ROR2: variants seen among roughly 807,000 people sequenced by gnomAD.
The protein encoded by ROR2 is ROR family WNT receptor 2.
ROR2 carries 33 observed loss-of-function variants against 74.9 expected under a neutral mutation model. The observed-to-expected ratio is 0.44, with a 90% CI of 0.33 to 0.59. ROR2 has a LOEUF of 0.59. Ranked by LOEUF, ROR2 falls within the 20% of genes least tolerant of loss-of-function variation. ROR2 has a pLI of 0.02. For synonymous variants in ROR2, 586 were observed against 558.7 expected, an observed-to-expected ratio of 1.05 and a Z score of -0.69; for missense variants, 1,216 against 1,313.8, an observed-to-expected ratio of 0.93 and a Z score of 1.15.
rs188925850 is a variant in ROR2 at position 91,822,549 on chromosome 9, T to C, written c.98-46731A>G. On this transcript the variant is annotated intron_variant, in intron 1 of 8. Transcript: ENST00000375708. ...GATTCTCAAAAGCAGAGGAGGCTTT[T>C]CTTTTCAGTAGAAATGGCAAAATTA... 2.0e-5 allele frequency among the ~76,000 whole-genome samples: 3 copies of C among 152,350 alleles called. No homozygotes were observed. In the East Asian group the frequency reaches 5.8e-4, roughly 29 times the overall value.
intron 1 of ROR2, among the ~76,000 whole-genome samples, chr9:91,813,441 G>A (rs920747885): frequency 6.6e-6 from 1 of 152,176 alleles, no homozygotes; most frequent in African/African-American, 2.4e-5. Flanking sequence ...GCGCGTCTGG[G>A]TCAGGATGGG....
At chr9:91,837,639 A>G (rs1286348458) in intron 1 of ROR2, among the ~76,000 whole-genome samples, 2 of 152,224 alleles carry the variant, frequency 1.3e-5, no homozygotes, top group East Asian at 3.8e-4. Flanking sequence ...TCTCAAAGCC[A>G]TCTCATAAAT....
At chr9:91,740,566 A>G (rs927440058) in intron 4 of ROR2, among the ~76,000 whole-genome samples, 7 of 149,164 alleles carry the variant, frequency 4.7e-5, no homozygotes, top group South Asian at 2.1e-4. Context: ...GGGGGGGGGA[A>G]TATATATATG....
chr9:91,849,572 G>A (rs142624583), intron 1 of ROR2, among the ~76,000 whole-genome samples: 1 of 152,300 alleles, frequency 6.6e-6, no homozygotes, highest in African/African-American at 2.4e-5. Flanking sequence ...AAAGAATGTG[G>A]ACTTCTGGAG....
At chr9:91,833,396 C>T (rs1470699113) in intron 1 of ROR2, among the ~76,000 whole-genome samples, 1 of 152,170 alleles carries the variant, frequency 6.6e-6, no homozygotes, top group Non-Finnish European at 1.5e-5. Context: ...CCAGCTTTGC[C>T]CCAACCGCTA....
intron 1 of ROR2, among the ~76,000 whole-genome samples, chr9:91,824,253 G>A (rs535762734): frequency 6.6e-6 from 1 of 152,352 alleles, no homozygotes; most frequent in East Asian, 1.9e-4. Flanking sequence ...AAATGATGAA[G>A]CTGGGCATTA....
chr9:91,826,226 T>C (rs909394270), intron 1 of ROR2, among the ~76,000 whole-genome samples: 7 of 152,190 alleles, frequency 4.6e-5, no homozygotes, highest in African/African-American at 1.7e-4. Flanking sequence ...TAGGACTGAA[T>C]GTATGGAGCA....
Position 91,873,463 on chromosome 9 carries a change from C to T in ROR2, c.97+76404G>A, listed in dbSNP as rs148224793. Among the ~76,000 whole-genome samples the T allele has an allele frequency of 3.3e-3, 504 of 152,276 alleles. 2 individuals carry two copies. Among genetic ancestry groups the T allele is most frequent in the African/African-American group, 0.012 (487 of 41,558 alleles). On this transcript the variant is annotated intron_variant, in intron 1 of 8. Coordinates refer to ENST00000375708, the MANE Select transcript of ROR2 (RefSeq NM_004560.4). ...AATTAGCCAGGCATATGGTGGGCGCCTACATTCCCAGCTACTCGTTAGGCT... is the reference window on the plus strand; with the variant it reads ...AATTAGCCAGGCATATGGTGGGCGCTTACATTCCCAGCTACTCGTTAGGCT...
chr9:91,840,556 G>T (rs979687633), intron 1 of ROR2, among the ~76,000 whole-genome samples: 1 of 152,224 alleles, frequency 6.6e-6, no homozygotes, highest in Non-Finnish European at 1.5e-5. Context: ...ATGCAGCGAG[G>T]CTGGATCCCC....
At chr9:91,888,251 T>G (rs1830339333) in intron 1 of ROR2, among the ~76,000 whole-genome samples, 2 of 152,232 alleles carry the variant, frequency 1.3e-5, no homozygotes, top group South Asian at 4.1e-4. Flanking sequence ...GGTCTCCTCC[T>G]AGTGAACTGC....
intron 1 of ROR2, among the ~76,000 whole-genome samples, chr9:91,904,816 AG>A (rs1431377027): frequency 2.0e-5 from 3 of 152,166 alleles, no homozygotes; most frequent in Non-Finnish European, 4.4e-5. Flanking sequence ...GCCTCCAAAA[AG>A]GGAAAAAACA....
At chr9:91,728,775 C>T (rs1172554839) in intron 7 of ROR2, among the ~76,000 whole-genome samples, 1 of 152,184 alleles carries the variant, frequency 6.6e-6, no homozygotes, top group Non-Finnish European at 1.5e-5. Context: ...CCATATTTTC[C>T]TGCTCCTGTT....
At chr9:91,868,888 T>C (rs1344932915) in intron 1 of ROR2, among the ~76,000 whole-genome samples, 1 of 152,142 alleles carries the variant, frequency 6.6e-6, no homozygotes, top group Non-Finnish European at 1.5e-5. Context: ...AGAACAAAAA[T>C]GATGAAGTGG....
At chr9:91,764,779 C>A (rs1826013017) in intron 2 of ROR2, among the ~76,000 whole-genome samples, 1 of 152,178 alleles carries the variant, frequency 6.6e-6, no homozygotes, top group South Asian at 2.1e-4. Context: ...GGGTAAAGGA[C>A]TAAGGCTGCA....
At chr9:91,894,480 G>C (rs1830492672) in intron 1 of ROR2, among the ~76,000 whole-genome samples, 1 of 152,230 alleles carries the variant, frequency 6.6e-6, no homozygotes, top group Non-Finnish European at 1.5e-5. Context: ...ATGGGAACCA[G>C]AAGCAGAGAG....
At chr9:91,920,771 C>CAA (rs1275276926) in intron 1 of ROR2, among the ~76,000 whole-genome samples, 1 of 152,158 alleles carries the variant, frequency 6.6e-6, no homozygotes, top group Non-Finnish European at 1.5e-5. Flanking sequence ...TCAGAGGTGA[C>CAA]AGAGCTACAG....
chr9:91,771,032 C>T (rs113948757), intron 2 of ROR2, among the ~76,000 whole-genome samples: 92 of 152,310 alleles, frequency 6.0e-4, no homozygotes, highest in African/African-American at 2.0e-3. Flanking sequence ...TAGTTCAGCA[C>T]CACAGCCTGA....
chr9:91,793,573 C>A (rs1313236308), intron 1 of ROR2, among the ~76,000 whole-genome samples: 1 of 151,858 alleles, frequency 6.6e-6, no homozygotes, highest in Non-Finnish European at 1.5e-5. Flanking sequence ...CCAGCCTGGC[C>A]AACATAGTGA....
At chr9:91,914,163 C>T (rs1433281712) in intron 1 of ROR2, among the ~76,000 whole-genome samples, 1 of 152,154 alleles carries the variant, frequency 6.6e-6, no homozygotes, top group Non-Finnish European at 1.5e-5. Flanking sequence ...CCACCTTATA[C>T]TGTGTGTAAG....
Sources: gnomAD v4.1 joint callset for allele counts (sites outside exome capture counted in the v4.1 genomes callset) on GRCh38, gnomAD v4.1.1 for gene constraint, MANE v1.5 for transcripts, NCBI Gene and HGNC (gene_info 2026-07-23, HGNC 2026-07-21) for gene names.